Variants in SLC14A2 observed in about 807,000 individuals in gnomAD.
SLC14A2 encodes urea transporter 2.
A neutral mutation model predicts 104.6 loss-of-function variants in SLC14A2; 91 were observed. That is an observed-to-expected ratio of 0.87 (90% CI 0.73 to 1.04). SLC14A2 has a LOEUF of 1.04. Among genes scored for constraint, SLC14A2 ranks in the 50% least tolerant of loss-of-function variants. SLC14A2 has a pLI of 0.00. For missense variants in SLC14A2, 1,189 were observed against 1,156.0 expected, an observed-to-expected ratio of 1.03 and a Z score of -0.41; for synonymous variants, 476 against 466.4, an observed-to-expected ratio of 1.02 and a Z score of -0.27.
Position 45,470,061 on chromosome 18 carries a change from C to T in SLC14A2, c.-124-13172C>T, listed in dbSNP as rs566232430. Among the ~76,000 whole-genome samples the T allele has an allele frequency of 1.1e-3, 169 of 152,262 alleles. 1 individual carries two copies. The highest frequency in any genetic ancestry group is 2.1e-3 in the Non-Finnish European group (140 of 68,008). On this transcript the variant is annotated intron_variant, in intron 1 of 20. Transcript: ENST00000586448. ...TTTAAACTGAAGGAATTGTATTGCT[C>T]TCTTACTCTTTATACATCTCCTGCC...
At chr18:45,295,648 G>A (rs948043300) in intron 1 of SLC14A2, among the ~76,000 whole-genome samples, 7 of 152,088 alleles carry the variant, frequency 4.6e-5, no homozygotes, top group Admixed American at 2.6e-4. Context: ...CCAGCGAGGC[G>A]TGTCATGTTC....
chr18:45,322,329 T>C (rs1000095092), intron 1 of SLC14A2, among the ~76,000 whole-genome samples: 1 of 152,186 alleles, frequency 6.6e-6, no homozygotes, highest in Non-Finnish European at 1.5e-5. Context: ...AAATGCTCTG[T>C]GACTCAGTGC....
intron 1 of SLC14A2, among the ~76,000 whole-genome samples, chr18:45,318,567 C>G (rs2085154115): frequency 6.6e-6 from 1 of 152,132 alleles, no homozygotes; most frequent in Non-Finnish European, 1.5e-5. Flanking sequence ...GTGGGCGGAT[C>G]ACCTGAGGTC....
rs73952817 is a variant in SLC14A2, at chr18:45,259,736, G to A, written c.-125+46545G>A. 6.0e-3 allele frequency among the ~76,000 whole-genome samples: 915 copies of A among 152,222 alleles called. 2 individuals are homozygous for A. The highest frequency in any genetic ancestry group is 0.017 in the African/African-American group (705 of 41,538). ...GAAGAATGTGGCCAAAATGCTTAAC[G>A]AGAAGGGTAATATTTTATTTCTTTA... On this transcript the variant is annotated intron_variant, in intron 1 of 20. Transcript: ENST00000586448.
At chr18:45,283,794 G>A (rs1012731214) in intron 1 of SLC14A2, among the ~76,000 whole-genome samples, 1 of 151,970 alleles carries the variant, frequency 6.6e-6, no homozygotes. Context: ...TACCTCGAGG[G>A]TCTTACACTC....
At chr18:45,620,783 A>G (rs1355812909) in intron 1 of SLC14A2, among the ~76,000 whole-genome samples, 1 of 152,202 alleles carries the variant, frequency 6.6e-6, no homozygotes, top group Non-Finnish European at 1.5e-5. Context: ...CCTTGATTAT[A>G]TGATGTATAT....
intron 19 of SLC14A2, 36 bp from the exon 20 acceptor site, chr18:45,682,283 A>T: frequency 1.9e-6 from 3 of 1,599,142 alleles, no homozygotes; most frequent in Non-Finnish European, 2.6e-6. Context: ...CAGGCACCTG[A>T]TGTGACCAAG....
chr18:45,520,418 C>T (rs988840218), intron 2 of SLC14A2, among the ~76,000 whole-genome samples: 1 of 152,120 alleles, frequency 6.6e-6, no homozygotes, highest in Non-Finnish European at 1.5e-5. Flanking sequence ...CTTAAACACA[C>T]CCTTACCTTA....
At chr18:45,278,953 CAGTCCCAAA>C (rs1293887820) in intron 1 of SLC14A2, among the ~76,000 whole-genome samples, 1 of 152,202 alleles carries the variant, frequency 6.6e-6, no homozygotes, top group African/African-American at 2.4e-5. Context: ...GATCTCACAA[CAGTCCCAAA>C]AGTTTCTATC....
intron 10 of SLC14A2, among the ~76,000 whole-genome samples, chr18:45,649,268 C>A (rs1406609184): frequency 6.6e-6 from 1 of 152,122 alleles, no homozygotes; most frequent in Non-Finnish European, 1.5e-5. Flanking sequence ...CCCCATTTCT[C>A]CAATGATCTT....
upstream of SLC14A2, among the ~76,000 whole-genome samples, chr18:45,613,955 A>T (rs1568298750): frequency 6.6e-6 from 1 of 152,224 alleles, no homozygotes; most frequent in Non-Finnish European, 1.5e-5. Flanking sequence ...CCAGAAGCCA[A>T]ATGTTAATCG....
At chr18:45,184,388 C>A in the SLC14A2 span, among the ~76,000 whole-genome samples, 1 of 152,172 alleles carries the variant, frequency 6.6e-6, no homozygotes, top group African/African-American at 2.4e-5. Flanking sequence ...TAGCTTGATT[C>A]CTATTTAAGT....
chr18:45,521,118 C>T (rs1370537164), intron 2 of SLC14A2, among the ~76,000 whole-genome samples: 1 of 152,148 alleles, frequency 6.6e-6, no homozygotes, highest in East Asian at 1.9e-4. Flanking sequence ...CATCAAGTGA[C>T]CTGTCAACAG....
chr18:45,297,743 A>G (rs976001361), intron 1 of SLC14A2, among the ~76,000 whole-genome samples: 1 of 152,236 alleles, frequency 6.6e-6, no homozygotes, highest in South Asian at 2.1e-4. Flanking sequence ...CTGAATGACC[A>G]GAGACACCAT....
At chr18:45,515,889 C>A (rs1183759562) in intron 2 of SLC14A2, among the ~76,000 whole-genome samples, 1 of 152,180 alleles carries the variant, frequency 6.6e-6, no homozygotes, top group African/African-American at 2.4e-5. Flanking sequence ...GCCTGCATGC[C>A]CTCCTTGAAG....
chr18:45,574,164 A>G (rs1555708143), intron 2 of SLC14A2, among the ~76,000 whole-genome samples: 1 of 152,084 alleles, frequency 6.6e-6, no homozygotes, highest in Non-Finnish European at 1.5e-5. Flanking sequence ...ACAGGAAGGA[A>G]CCTGCTTGCC....
intron 2 of SLC14A2, among the ~76,000 whole-genome samples, chr18:45,519,368 G>C (rs908689397): frequency 7.2e-5 from 11 of 152,150 alleles, no homozygotes; most frequent in African/African-American, 2.7e-4. Context: ...CTTCTTGTAG[G>C]AGATGGAATG....
intron 2 of SLC14A2, among the ~76,000 whole-genome samples, chr18:45,593,423 A>G (rs932111208): frequency 2.0e-5 from 3 of 151,298 alleles, no homozygotes; most frequent in Non-Finnish European, 4.4e-5. Flanking sequence ...CAATAATAAT[A>G]TTAATAATAG....
At chr18:45,518,675 A>C (rs1158724365) in intron 2 of SLC14A2, among the ~76,000 whole-genome samples, 1 of 152,200 alleles carries the variant, frequency 6.6e-6, no homozygotes, top group Non-Finnish European at 1.5e-5. Context: ...ATAGTCAGGG[A>C]TAAAGACCAG....
Sources: allele counts gnomAD v4.1 joint callset (sites outside exome capture counted in the v4.1 genomes callset), GRCh38; gene constraint gnomAD v4.1.1; transcripts MANE v1.5; gene names NCBI Gene and HGNC (gene_info 2026-07-23, HGNC 2026-07-21).